TTC13: variants seen among roughly 807,000 people sequenced by gnomAD.
The protein encoded by TTC13 is tetratricopeptide repeat protein 13.
TTC13 carries 62 observed loss-of-function variants against 120.0 expected under a neutral mutation model. That is an observed-to-expected ratio of 0.52 (90% CI 0.42 to 0.64). The LOEUF (loss-of-function observed/expected upper bound fraction) is 0.64. Ranked by LOEUF, TTC13 falls within the 30% of genes least tolerant of loss-of-function variation. The probability of loss-of-function intolerance (pLI) is 0.00; values close to 1 mark genes in which losing one functional copy is unlikely to be tolerated. For missense variants in TTC13, 824 were observed against 1,050.2 expected, an observed-to-expected ratio of 0.78 and a Z score of 2.98; for synonymous variants, 384 against 393.5, an observed-to-expected ratio of 0.98 and a Z score of 0.28.
At chr1:230,962,955 G>A (rs1676778874) in intron 1 of TTC13, among the ~76,000 whole-genome samples, 1 of 152,162 alleles carries the variant, frequency 6.6e-6, no homozygotes. Flanking sequence ...GGGAGAAACT[G>A]CTTAATGAGT....
At chr1:230,908,682 C>A (rs941526171) in intron 22 of TTC13, 30 bp downstream of exon 22, 5 of 1,590,260 alleles carry the variant, frequency 3.1e-6, no homozygotes, top group Non-Finnish European at 4.3e-6. Flanking sequence ...AGTTATGATA[C>A]CCTTGTGTGG....
chr1:230,931,763 G>A lies in TTC13; in HGVS notation c.1098C>T (p.Ser366=), dbSNP rs765967813. 2.5e-6 allele frequency: 4 copies of A among 1,613,976 alleles called. No homozygotes were observed. The East Asian group carries it at 8.9e-5, about 36-fold the overall frequency. ...TAAAGTTCTTAAGGGCTTCCTGTAA[G>A]CTGCCGTGGTGGTAGAGCATCATTC... ...LRGMMLYHHG[S]LQEALKNFKR... The change falls in exon 10 of 23, where the codon AGC becomes AGT. Residue 366 remains serine, a synonymous_variant. Coordinates refer to ENST00000366661, the MANE Select transcript of TTC13 (RefSeq NM_024525.5).
chr1:230,978,824 G>A lies in TTC13; in HGVS notation c.7C>T (p.Pro3Ser), dbSNP rs1012945785. Residue 3 changes from proline to serine, a missense_variant, in exon 1 of 23, where the codon CCT (proline) becomes TCT (serine). Coordinates refer to ENST00000366661, the MANE Select transcript of TTC13 (RefSeq NM_024525.5). The surrounding 1 kb of genome is among the most constrained non-coding windows in gnomAD (Gnocchi z 5.6). MAPAGCCCCCCFW... is the reference protein window; with the variant it reads MASAGCCCCCCFW... ...CAGCAGCAGCAGCAGCAGCCGGCAGGTGCCATCTTCCCTCAAGGCGCATGC... is the reference window on the plus strand; with the variant it reads ...CAGCAGCAGCAGCAGCAGCCGGCAGATGCCATCTTCCCTCAAGGCGCATGC... 8.8e-6 allele frequency: 13 copies of A among 1,479,324 alleles called. No homozygotes were observed. The highest frequency in any genetic ancestry group is 1.2e-5 in the Non-Finnish European group (13 of 1,125,558). The allele number at this position is 1,479,324 out of a possible 1,614,324, so 91.6% of individuals were successfully genotyped here. A position where few individuals can be genotyped will look rare whatever the true frequency, so the allele number is the denominator to read the frequency against.
chr1:230,945,524 A>G, intron 4 of TTC13, 70 bp from the exon 5 acceptor site: 1 of 1,399,198 alleles, frequency 7.1e-7, no homozygotes, highest in East Asian at 2.3e-5. Context: ...GTTTCTGCTT[A>G]AAGCACGTTA....
intron 9 of TTC13, among the ~76,000 whole-genome samples, chr1:230,933,032 G>A (rs1039849706): frequency 2.0e-5 from 3 of 152,020 alleles, no homozygotes; most frequent in Non-Finnish European, 2.9e-5. Flanking sequence ...GAGTGCAGTG[G>A]TGCAATCTTG....
chr1:230,919,810 G>GA (rs1672398867), intron 17 of TTC13, among the ~76,000 whole-genome samples: 1 of 152,170 alleles, frequency 6.6e-6, no homozygotes, highest in South Asian at 2.1e-4. Flanking sequence ...TGGCAAGGCC[G>GA]AAACTCCAAT....
rs937653744 is a variant in TTC13, at chr1:230,969,067, G to T, written c.272-7764C>A. Among the ~76,000 whole-genome samples, 4 of 152,116 alleles carry T rather than the reference G, an allele frequency of 2.6e-5. No homozygotes were observed. The East Asian group carries it at 7.7e-4, about 29-fold the overall frequency. The stretch of plus-strand genomic sequence containing the variant: ...AGGTGGGCGGATCACGAGGTCAGGA[G>T]ATCGAGACCACGGTGAAACCCCGTC... On this transcript the variant is annotated intron_variant, in intron 1 of 22. Coordinates refer to ENST00000366661, the MANE Select transcript of TTC13 (RefSeq NM_024525.5).
At chr1:230,976,881 T>C (rs1421815664) in intron 1 of TTC13, among the ~76,000 whole-genome samples, 1 of 152,194 alleles carries the variant, frequency 6.6e-6, no homozygotes, top group Non-Finnish European at 1.5e-5. Context: ...GATATCATAG[T>C]ATTAATCGAT....
chr1:230,966,462 A>C (rs1677144771), intron 1 of TTC13, among the ~76,000 whole-genome samples: 1 of 152,208 alleles, frequency 6.6e-6, no homozygotes, highest in Non-Finnish European at 1.5e-5. Flanking sequence ...GAAACTTCAT[A>C]AATTTTATAT....
chr1:230,933,149 T>C (rs1024792110), intron 9 of TTC13, among the ~76,000 whole-genome samples: 2 of 152,224 alleles, frequency 1.3e-5, no homozygotes, highest in African/African-American at 4.8e-5. Context: ...ACTTTTGTAT[T>C]TTTAGTAGAC....
chr1:230,973,261 T>C (rs1056959282), intron 1 of TTC13, among the ~76,000 whole-genome samples: 12 of 152,244 alleles, frequency 7.9e-5, no homozygotes, highest in Non-Finnish European at 1.6e-4. Context: ...CAGTGATCTA[T>C]GTGCTGTGAG....
intron 1 of TTC13, among the ~76,000 whole-genome samples, chr1:230,972,754 G>C (rs1405329053): frequency 6.6e-6 from 1 of 152,168 alleles, no homozygotes; most frequent in Non-Finnish European, 1.5e-5. Flanking sequence ...GCAGTATGTA[G>C]ATCTTTTAAA....
At chr1:230,920,402 A>G in intron 17 of TTC13, 108 bp downstream of exon 17, 1 of 790,296 alleles carries the variant, frequency 1.3e-6, no homozygotes, top group South Asian at 1.5e-5. Context: ...ATGTGTTCAT[A>G]CGAGTGATTT....
intron 1 of TTC13, among the ~76,000 whole-genome samples, chr1:230,976,134 T>C (rs1275620913): frequency 1.3e-5 from 2 of 152,194 alleles, no homozygotes; most frequent in Non-Finnish European, 2.9e-5. Context: ...TGGATTGATA[T>C]GAACAGGTTT....
intron 12 of TTC13, among the ~76,000 whole-genome samples, chr1:230,927,564 T>A (rs1485179868): frequency 1.3e-5 from 2 of 152,214 alleles, no homozygotes; most frequent in African/African-American, 4.8e-5. Context: ...ATTTTTTAAT[T>A]TGTAGTGATA....
At chr1:230,956,663 A>T (rs1676113564) in intron 3 of TTC13, 6 of 251,136 alleles carry the variant, frequency 2.4e-5, no homozygotes, top group Non-Finnish European at 4.8e-5. Flanking sequence ...TCCACATCTA[A>T]GTGATTGAAT....
chr1:230,918,664 C>T (rs1011889249), intron 17 of TTC13, among the ~76,000 whole-genome samples: 2 of 152,208 alleles, frequency 1.3e-5, no homozygotes, highest in African/African-American at 2.4e-5. Context: ...ATAAACTCCA[C>T]GAGGTAGGTC....
In TTC13 at chr1:230,942,363, A is replaced by C. The variant is rs960484801; in HGVS notation, c.672+1443T>G. Reference sequence around the variant, plus strand: ...GATAAACTATAGTCACTTAACCCTTAGGGTTACAATTCAAAATAGAGAAGA... The same window carrying C: ...GATAAACTATAGTCACTTAACCCTTCGGGTTACAATTCAAAATAGAGAAGA... On this transcript the variant is annotated intron_variant, in intron 6 of 22. Transcript: ENST00000366661. This position sits in a 1 kb window ranked among gnomAD's most constrained non-coding sequence, Gnocchi z 4.0. Among the ~76,000 whole-genome samples the C allele has an allele frequency of 3.3e-5, 5 of 152,196 alleles. No individual in the cohort carries two copies. The highest frequency in any genetic ancestry group is 7.4e-5 in the Non-Finnish European group (5 of 68,022).
rs372308207 is a variant in TTC13 at position 230,923,599 on chromosome 1, G to A, written c.1814+242C>T. Among the ~76,000 whole-genome samples, 12 of 150,196 alleles carry A rather than the reference G, an allele frequency of 8.0e-5. 1 individual carries two copies. The highest frequency in any genetic ancestry group is 1.5e-4 in the African/African-American group (6 of 40,716). On this transcript the variant is annotated intron_variant, in intron 15 of 22. Coordinates refer to ENST00000366661, the MANE Select transcript of TTC13 (RefSeq NM_024525.5). ...GGAAAACATCTGCAATCTACCCTTC[G>A]GTTGTGCTCTACACCAGACAGAAGG...
Sources: allele counts gnomAD v4.1 joint callset (sites outside exome capture counted in the v4.1 genomes callset), GRCh38; gene constraint gnomAD v4.1.1; non-coding constraint Gnocchi (gnomAD v3.1); transcripts MANE v1.5; gene names NCBI Gene and HGNC (gene_info 2026-07-23, HGNC 2026-07-21).